Variants in ACSBG2 observed in about 807,000 individuals in gnomAD.
ACSBG2 encodes long-chain-fatty-acid--CoA ligase ACSBG2.
ACSBG2 carries 62 observed loss-of-function variants against 74.7 expected under a neutral mutation model. That is an observed-to-expected ratio of 0.83 (90% CI 0.68 to 1.03). ACSBG2 has a LOEUF of 1.03. ACSBG2 is among the 50% of genes least tolerant of loss of function. The probability of loss-of-function intolerance (pLI) is 0.00; values close to 1 mark genes in which losing one functional copy is unlikely to be tolerated. For missense variants in ACSBG2, 730 were observed against 817.6 expected (o/e 0.89, Z 1.31); for synonymous variants, 309 against 294.1 (o/e 1.05, Z -0.52).
chr19:6,141,725 G>C, intron 2 of ACSBG2, 115 bp downstream of exon 2: 2 of 709,128 alleles, frequency 2.8e-6, no homozygotes, highest in South Asian at 1.8e-5. Context: ...TGACCCTGCT[G>C]ACCCCGACCC....
chr19:6,152,117 C>T (rs1489615689), intron 4 of ACSBG2, among the ~76,000 whole-genome samples: 1 of 152,106 alleles, frequency 6.6e-6, no homozygotes. Flanking sequence ...TAAAACCTCA[C>T]GACAGCAATG....
chr19:6,181,362 G>A (rs1031066982), intron 8 of ACSBG2, among the ~76,000 whole-genome samples: 2 of 151,082 alleles, frequency 1.3e-5, no homozygotes, highest in African/African-American at 4.9e-5. Context: ...GAAAGAAAAA[G>A]AAAGAAAGGA....
intron 8 of ACSBG2, among the ~76,000 whole-genome samples, chr19:6,177,875 A>AGTGT (rs3036311): frequency 0.015 from 2,188 of 143,484 alleles, 29 homozygotes; most frequent in African/African-American, 0.033. Flanking sequence ...GAAAGTAAAG[A>AGTGT]GTGTGTGTGT....
chr19:6,144,074 T>C (rs764036413), intron 2 of ACSBG2, among the ~76,000 whole-genome samples: 1 of 152,286 alleles, frequency 6.6e-6, no homozygotes, highest in African/African-American at 2.4e-5. Context: ...CTTGGCTCAC[T>C]GCAATCTCCA....
chr19:6,188,410 T>C (rs770147536), intron 13 of ACSBG2, among the ~76,000 whole-genome samples: 19 of 152,120 alleles, frequency 1.2e-4, no homozygotes, highest in Middle Eastern at 3.4e-3. Flanking sequence ...GGAGGCTGAG[T>C]TGGGCAGACT....
Position 6,164,053 on chromosome 19 carries a change from C to T in ACSBG2, c.589-1813C>T, listed in dbSNP as rs553258554. 3.3e-5 allele frequency among the ~76,000 whole-genome samples: 5 copies of T among 152,220 alleles called. No homozygotes were observed. In the South Asian group the frequency reaches 8.3e-4, roughly 25 times the overall value. On this transcript the variant is annotated intron_variant, in intron 6 of 14. Transcript: ENST00000588485. ...TGTGACATTTGGGAAGGAAAATGGC[C>T]GAGTAAGACAATGAACTGTGCCAGT...
intron 7 of ACSBG2, among the ~76,000 whole-genome samples, chr19:6,166,637 T>A (rs996103228): frequency 3.3e-5 from 5 of 151,060 alleles, no homozygotes; most frequent in African/African-American, 9.8e-5. Flanking sequence ...GTTGTGTGTG[T>A]GTTTTGTTTT....
intron 2 of ACSBG2, among the ~76,000 whole-genome samples, chr19:6,141,913 T>C (rs550246637): frequency 6.6e-6 from 1 of 152,088 alleles, no homozygotes; most frequent in Non-Finnish European, 1.5e-5. Context: ...ATTTTTTTTG[T>C]AGAGACAGGG....
chr19:6,136,086 G>A (rs569827127), intron 1 of ACSBG2, among the ~76,000 whole-genome samples, 177 bp downstream of exon 1: 3 of 151,322 alleles, frequency 2.0e-5, no homozygotes, highest in African/African-American at 4.9e-5. Flanking sequence ...GATTACAGGC[G>A]CCTGCCACCA....
intron 4 of ACSBG2, among the ~76,000 whole-genome samples, chr19:6,152,301 T>TTTTTTGTA (rs1424577463): frequency 5.6e-5 from 4 of 71,310 alleles, no homozygotes; most frequent in Admixed American, 1.7e-4. Flanking sequence ...TTTTTTTTTT[T>TTTTTTGTA]GAGACGGAGT....
chr19:6,173,938 T>C (rs1382083244), intron 7 of ACSBG2, among the ~76,000 whole-genome samples: 3 of 90,038 alleles, frequency 3.3e-5, no homozygotes, highest in African/African-American at 1.4e-4. Context: ...TCTTGAACTA[T>C]TTTTTTTTTT....
chr19:6,187,008 T>G (rs1158361307), intron 11 of ACSBG2, among the ~76,000 whole-genome samples: 3 of 150,976 alleles, frequency 2.0e-5, no homozygotes, highest in Non-Finnish European at 3.0e-5. Context: ...CTAGGTTTTT[T>G]TTTTTTTTTT....
chr19:6,159,451 C>T (rs970654514), intron 5 of ACSBG2, among the ~76,000 whole-genome samples: 2 of 152,192 alleles, frequency 1.3e-5, no homozygotes, highest in African/African-American at 4.8e-5. Flanking sequence ...TCTACACCCA[C>T]CTGGCTGCTG....
chr19:6,187,686 T>A lies in ACSBG2; in HGVS notation c.1768T>A (p.Ser590Thr). 6.2e-7 allele frequency: 1 copy of A among 1,613,984 alleles called. No homozygotes were observed. Among genetic ancestry groups the A allele is most frequent in the Non-Finnish European group, 8.5e-7 (1 of 1,180,002 alleles). ...CTGTCGGGGTCTGGGCAGCCAGGCA[T>A]CCACCGTGACTGAGATTGTGAAGCA... ...NFCRGLGSQA[S>T]TVTEIVKQQD... The change falls in exon 13 of 15, where the codon TCC (serine) becomes ACC (threonine). Residue 590 changes from serine to threonine, a missense_variant. Ser to Thr is a moderately conservative substitution (Grantham distance 58, BLOSUM62 1). Transcript: ENST00000588485.
intron 2 of ACSBG2, among the ~76,000 whole-genome samples, chr19:6,145,670 G>C (rs1480929233): frequency 6.6e-6 from 1 of 152,126 alleles, no homozygotes; most frequent in East Asian, 1.9e-4. Context: ...AGGAAACCCT[G>C]TTCTCTTCTT....
Position 6,174,789 on chromosome 19 carries a change from G to T in ACSBG2, c.739-2440G>T, listed in dbSNP as rs2090051034. On this transcript the variant is annotated intron_variant, in intron 7 of 14. Coordinates refer to ENST00000588485, the MANE Select transcript of ACSBG2 (RefSeq NM_030924.5). This position sits in a 1 kb window ranked among gnomAD's most constrained non-coding sequence, Gnocchi z 4.2. ...GATGCTGCCACTGCACTCCAGCCTG[G>T]GTGACAGAGTGAGGCCCTGTCTCAT... 6.6e-6 allele frequency among the ~76,000 whole-genome samples: 1 copy of T among 152,116 alleles called. No individual in the cohort carries two copies. Among genetic ancestry groups the T allele is most frequent in the Non-Finnish European group, 1.5e-5 (1 of 68,014 alleles).
chr19:6,153,803 A>G (rs1246100320), intron 4 of ACSBG2, among the ~76,000 whole-genome samples: 1 of 151,448 alleles, frequency 6.6e-6, no homozygotes, highest in Non-Finnish European at 1.5e-5. Flanking sequence ...AATTATGATC[A>G]TACCACTGCA....
intron 5 of ACSBG2, among the ~76,000 whole-genome samples, 160 bp downstream of exon 5, chr19:6,156,711 AT>A (rs1042773075): frequency 2.6e-5 from 4 of 151,800 alleles, no homozygotes; most frequent in African/African-American, 9.7e-5. Context: ...TGGTGAAGCT[AT>A]TTTTGGAGAA....
chr19:6,141,760 G>A, intron 2 of ACSBG2, 150 bp downstream of exon 2: 2 of 616,672 alleles, frequency 3.2e-6, no homozygotes, highest in South Asian at 3.8e-5. Flanking sequence ...TTGAGACAGG[G>A]TCTTGCTCTG....
Sources: gnomAD v4.1 joint callset for allele counts (sites outside exome capture counted in the v4.1 genomes callset) on GRCh38, gnomAD v4.1.1 for gene constraint, Gnocchi (gnomAD v3.1) non-coding constraint, MANE v1.5 for transcripts, NCBI Gene and HGNC (gene_info 2026-07-23, HGNC 2026-07-21) for gene names.